The following MICAL3 variants were observed in gnomAD, a reference collection of about 807,000 sequenced individuals.
MICAL3 encodes microtubule associated monooxygenase, calponin and LIM domain containing 3, also known as [F-actin]-monooxygenase MICAL3.
In MICAL3, 62 loss-of-function variants were observed where a neutral mutation model predicts 207.4. The observed-to-expected ratio is 0.30, with a 90% CI of 0.24 to 0.37. The LOEUF (loss-of-function observed/expected upper bound fraction) is 0.37, where lower values mean the gene tolerates loss of function less well. Ranked by LOEUF, MICAL3 falls within the 10% of genes least tolerant of loss-of-function variation. The pLI is 1.00. For missense variants in MICAL3, 2,368 were observed against 2,635.6 expected (o/e 0.90, Z 2.22); for synonymous variants, 1,077 against 1,069.3 (o/e 1.01, Z -0.14).
At chr22:17,816,231 C>T (rs1186328271) in intron 27 of MICAL3, among the ~76,000 whole-genome samples, 5 of 152,192 alleles carry the variant, frequency 3.3e-5, no homozygotes, top group African/African-American at 7.2e-5. Context: ...TCCTTTAAGA[C>T]GACAAACCCT....
intron 1 of MICAL3, chr22:18,005,717 C>T (rs914110773): frequency 3.3e-5 from 5 of 152,106 alleles, no homozygotes; most frequent in Non-Finnish European, 5.9e-5. Context: ...TGCCCCGTAC[C>T]GCTGGAGTGC....
At position 17,841,943 on chromosome 22, in the gene MICAL3, C is replaced by G; in HGVS notation, c.2680G>C (p.Glu894Gln). Residue 894 changes from glutamate to glutamine, a missense_variant, in exon 20 of 32, where the codon GAG becomes CAG. By Grantham distance (29) the Glu-to-Gln change is conservative. Around this residue, in one of 4 missense-constraint regions of MICAL3, gnomAD observed 1,770 missense variants for 1,863.2 expected, o/e 0.95. Coordinates refer to ENST00000441493, the MANE Select transcript of MICAL3 (RefSeq NM_015241.3). The surrounding 1 kb of genome is among the most constrained non-coding windows in gnomAD (Gnocchi z 4.2). ...LRGTPERIEL[E>Q]NYRLSLRQAE... ...TGCCTCAGGGACAGGCGGTAGTTCT[C>G]CAGCTCGATCCGCTCTGGGGTGCCC... 1 of 1,604,964 alleles carries G rather than the reference C, an allele frequency of 6.2e-7. No homozygotes were observed. The highest frequency in any genetic ancestry group is 2.2e-5 in the East Asian group (1 of 44,708).
intron 16 of MICAL3, among the ~76,000 whole-genome samples, chr22:17,876,235 A>T (rs1454391214): frequency 6.6e-6 from 1 of 152,184 alleles, no homozygotes; most frequent in African/African-American, 2.4e-5. Flanking sequence ...GCAGCTAGGA[A>T]CCCAGTCCCC....
chr22:18,008,233 C>A (rs1442434229), intron 1 of MICAL3, among the ~76,000 whole-genome samples: 4 of 152,036 alleles, frequency 2.6e-5, no homozygotes, highest in African/African-American at 9.7e-5. Context: ...GAGCGAAACT[C>A]CACCTCAGAA....
At chr22:17,791,420 C>T in intron 29 of MICAL3, 119 bp from the exon 30 acceptor site, 1 of 851,910 alleles carries the variant, frequency 1.2e-6, no homozygotes, top group South Asian at 1.6e-5. Flanking sequence ...ACTTCCACTC[C>T]CAAGCCAGGC....
In MICAL3 at chr22:17,818,434, G is replaced by A. The variant is rs2146008840; in HGVS notation, c.4227C>T (p.Asp1409=). ...LSLPTPRSPS[D]RELRSAQEER... ...CCTCCTGGGCGCTGCGTAGCTCTCT[G>A]TCGGACGGGGACCGGGGGGTTGGCA... is the stretch of plus-strand genomic sequence containing the variant. The change falls in exon 26 of 32, where the codon GAC becomes GAT. Residue 1409 remains aspartate, a synonymous_variant. Coordinates refer to ENST00000441493, the MANE Select transcript of MICAL3 (RefSeq NM_015241.3). The A allele has an allele frequency of 5.6e-6, 9 of 1,612,712 alleles. No homozygotes were observed. The highest frequency in any genetic ancestry group is 1.1e-5 in the South Asian group (1 of 91,088).
At chr22:17,920,576 G>A (rs527779912) in intron 1 of MICAL3, among the ~76,000 whole-genome samples, 31 of 152,050 alleles carry the variant, frequency 2.0e-4, no homozygotes, top group African/African-American at 6.8e-4. Flanking sequence ...TCTCCACACC[G>A]GCCTCCAGTC....
At chr22:17,931,101 C>T (rs1933239561) in intron 1 of MICAL3, among the ~76,000 whole-genome samples, 1 of 152,218 alleles carries the variant, frequency 6.6e-6, no homozygotes, top group South Asian at 2.1e-4. Flanking sequence ...CCCTCTCTGA[C>T]ATCCCCACCA....
chr22:17,799,747 G>C (rs2145964183), intron 29 of MICAL3, among the ~76,000 whole-genome samples: 1 of 152,272 alleles, frequency 6.6e-6, no homozygotes, highest in Non-Finnish European at 1.5e-5. Flanking sequence ...GTCATGACAG[G>C]GTGAGGCTGG....
intron 27 of MICAL3, 118 bp downstream of exon 27, chr22:17,816,572 G>A (rs1027936233): frequency 2.0e-5 from 16 of 796,702 alleles, no homozygotes; most frequent in South Asian, 3.1e-5. Flanking sequence ...CTGGCTATGC[G>A]CCACTAGCTG....
intron 27 of MICAL3, chr22:17,812,578 GAAAAC>G (rs1458246679): frequency 5.1e-6 from 5 of 978,370 alleles, no homozygotes; most frequent in Non-Finnish European, 6.1e-6. Context: ...GATGGCATCA[GAAAAC>G]AAAACAGAAT....
At chr22:17,836,707 C>T (rs981503520) in intron 20 of MICAL3, among the ~76,000 whole-genome samples, 5 of 150,534 alleles carry the variant, frequency 3.3e-5, no homozygotes, top group Admixed American at 2.0e-4. Context: ...TGCAGTGGCG[C>T]GATCTAGGCT....
At chr22:17,996,574 G>C (rs1183258052) in intron 1 of MICAL3, among the ~76,000 whole-genome samples, 1 of 152,094 alleles carries the variant, frequency 6.6e-6, no homozygotes, top group Non-Finnish European at 1.5e-5. Context: ...AGCAAGTCAC[G>C]TACAACTGAA....
chr22:17,935,040 G>T (rs1490464534), intron 1 of MICAL3, among the ~76,000 whole-genome samples: 1 of 151,976 alleles, frequency 6.6e-6, no homozygotes, highest in Non-Finnish European at 1.5e-5. Context: ...TCCCCATCAA[G>T]CTACGAATGA....
chr22:17,919,778 A>C (rs1007278036), intron 1 of MICAL3, among the ~76,000 whole-genome samples: 2 of 152,158 alleles, frequency 1.3e-5, no homozygotes, highest in Admixed American at 6.5e-5. Context: ...CCAGCTCAGG[A>C]CCTGTTCTTG....
rs150668709 is a variant in MICAL3 at position 17,917,255 on chromosome 22, C to T, written c.-74-10369G>A. 4.6e-5 allele frequency among the ~76,000 whole-genome samples: 7 copies of T among 152,304 alleles called. 1 individual carries two copies. In the East Asian group the frequency reaches 7.7e-4, roughly 17 times the overall value. On this transcript the variant is annotated intron_variant, in intron 1 of 31. Transcript: ENST00000441493. ...CTTTTCTACCTGGATGTTTGACAGGCATCTCTAGCTTAAAGCACTGGAGGC... is the reference window on the plus strand; with the variant it reads ...CTTTTCTACCTGGATGTTTGACAGGTATCTCTAGCTTAAAGCACTGGAGGC...
intron 1 of MICAL3, among the ~76,000 whole-genome samples, chr22:17,953,153 A>G (rs908379532): frequency 5.9e-5 from 9 of 152,192 alleles, no homozygotes; most frequent in Non-Finnish European, 1.2e-4. Flanking sequence ...GATCAGAGTG[A>G]GGCATCTCTC....
In MICAL3 at chr22:17,838,955, C is replaced by CTTTT. The variant is rs869097812; in HGVS notation, c.2801+2863_2801+2866dup. 1.8e-3 allele frequency among the ~76,000 whole-genome samples: 163 copies of CTTTT among 88,436 alleles called. 1 individual carries two copies. The highest frequency in any genetic ancestry group is 5.3e-3 in the African/African-American group (106 of 20,006). The allele number at this position is 88,436 out of a possible 152,430, so 58.0% of individuals were successfully genotyped here. A position where few individuals can be genotyped will look rare whatever the true frequency, so the allele number is the denominator to read the frequency against. Reference sequence around the variant, plus strand: ...CATTTATAGCTCCTTCCCCTAGATGCTTTTTTTTTTTTTTTTTTTTTTTTG... The same window carrying CTTTT: ...CATTTATAGCTCCTTCCCCTAGATGCTTTTTTTTTTTTTTTTTTTTTTTTTTTTG... On this transcript the variant is annotated intron_variant, in intron 20 of 31. Coordinates refer to ENST00000441493, the MANE Select transcript of MICAL3 (RefSeq NM_015241.3).
At chr22:17,869,815 A>C (rs1430039565) in intron 17 of MICAL3, among the ~76,000 whole-genome samples, 1 of 152,154 alleles carries the variant, frequency 6.6e-6, no homozygotes, top group Non-Finnish European at 1.5e-5. Context: ...CAGCTTCCTG[A>C]CTTCTAATTA....
Sources: gnomAD v4.1 joint callset for allele counts (sites outside exome capture counted in the v4.1 genomes callset) on GRCh38, gnomAD v4.1.1 for gene constraint, gnomAD v4.1.1 regional missense constraint, Gnocchi (gnomAD v3.1) non-coding constraint, MANE v1.5 for transcripts, NCBI Gene and HGNC (gene_info 2026-07-23, HGNC 2026-07-21) for gene names.